Variants in IL1RAPL2 observed in about 807,000 individuals in gnomAD.
IL1RAPL2 encodes the protein X-linked interleukin-1 receptor accessory protein-like 2.
IL1RAPL2 carries 3 observed loss-of-function variants against 44.1 expected under a neutral mutation model. That is an observed-to-expected ratio of 0.07 (90% confidence interval 0.03 to 0.18). The LOEUF is 0.18. Ranked by LOEUF, IL1RAPL2 falls within the 10% of genes least tolerant of loss-of-function variation. The probability of loss-of-function intolerance (pLI) is 1.00; values close to 1 mark genes in which losing one functional copy is unlikely to be tolerated. For synonymous variants in IL1RAPL2, 181 were observed against 178.8 expected (o/e 1.01, Z -0.10); for missense variants, 391 against 496.4 (o/e 0.79, Z 2.02).
chrX:105,423,365 A>G (rs746702075), intron 5 of IL1RAPL2, among the ~76,000 whole-genome samples: 6 of 112,112 alleles, frequency 5.4e-5, no homozygotes, highest in African/African-American at 1.9e-4. Flanking sequence ...TTGTAAAATA[A>G]GTCATTCATT....
chrX:104,569,971 A>G (rs1390250673), intron 1 of IL1RAPL2, among the ~76,000 whole-genome samples: 1 of 112,372 alleles, frequency 8.9e-6, no homozygotes, highest in African/African-American at 3.2e-5. Context: ...CTGCAGCAGT[A>G]ATGATTACAG....
intron 5 of IL1RAPL2, among the ~76,000 whole-genome samples, chrX:105,351,549 A>G (rs1246610075): frequency 3.6e-5 from 4 of 110,351 alleles, no homozygotes; most frequent in African/African-American, 6.6e-5. Context: ...CAAACACCAC[A>G]CGTTCTCACT....
chrX:105,740,466 T>C, intron 7 of IL1RAPL2, 80 bp from the exon 8 acceptor site: 1 of 997,037 alleles, frequency 1.0e-6, no homozygotes, highest in East Asian at 3.1e-5. Flanking sequence ...GTGTGAGCTG[T>C]GTGACCATCT....
Position 105,267,535 on chromosome X carries a change from G to A in IL1RAPL2, c.691G>A (p.Val231Ile), listed in dbSNP as rs780226679. ...KLVRRTTELK[V>I]TALLTDKPPK... Reference sequence around the variant, plus strand: ...TGTAAGACGAACAACTGAATTGAAAGTTACAGGTAGGAATCAGTTCTACAA... The same window carrying A: ...TGTAAGACGAACAACTGAATTGAAAATTACAGGTAGGAATCAGTTCTACAA... The change falls in exon 5 of 11, where the codon GTT (valine) becomes ATT (isoleucine). Residue 231 changes from valine (V) to isoleucine (I), a missense_variant. Physicochemically the swap from Val to Ile is conservative, Grantham distance 29 (BLOSUM62 3). Around this residue, in one of 2 missense-constraint regions of IL1RAPL2, gnomAD observed 159 missense variants for 251.7 expected, o/e 0.63. Coordinates refer to ENST00000372582, the MANE Select transcript of IL1RAPL2 (RefSeq NM_017416.2). The A allele has an allele frequency of 8.5e-7, 1 of 1,177,368 alleles. No homozygotes were observed.
intron 9 of IL1RAPL2, among the ~76,000 whole-genome samples, chrX:105,754,490 G>A (rs906733297): frequency 8.9e-6 from 1 of 112,508 alleles, no homozygotes; most frequent in Non-Finnish European, 1.9e-5. Context: ...ATCTAATTTG[G>A]CAATACTGGA....
chrX:104,835,493 C>A (rs1921719080), intron 2 of IL1RAPL2, among the ~76,000 whole-genome samples: 1 of 111,894 alleles, frequency 8.9e-6, no homozygotes, highest in Admixed American at 9.5e-5. Context: ...TTATTCATTA[C>A]TTCCTAATTG....
chrX:105,041,953 C>T (rs1429174858), intron 2 of IL1RAPL2, among the ~76,000 whole-genome samples: 1 of 110,411 alleles, frequency 9.1e-6, no homozygotes, highest in East Asian at 2.9e-4. Context: ...CTTTGACAAA[C>T]CTGAGAGAAG....
Position 104,968,439 on chromosome X carries a change from A to G in IL1RAPL2, c.83-227036A>G, listed in dbSNP as rs1352588394. ...TAATCTGTTGCAATCATCATGTTCAATGGTGAAATGTTAGGTAAATTCCTC... is the reference window on the plus strand; with the variant it reads ...TAATCTGTTGCAATCATCATGTTCAGTGGTGAAATGTTAGGTAAATTCCTC... On this transcript the variant is annotated intron_variant, in intron 2 of 10. Coordinates refer to ENST00000372582, the MANE Select transcript of IL1RAPL2 (RefSeq NM_017416.2). Among the ~76,000 whole-genome samples the G allele has an allele frequency of 8.0e-5, 9 of 112,040 alleles. No homozygotes were observed. In the East Asian group the frequency reaches 1.4e-3, roughly 17 times the overall value.
At chrX:104,764,027 A>G (rs1027704258) in intron 2 of IL1RAPL2, among the ~76,000 whole-genome samples, 18 of 111,771 alleles carry the variant, frequency 1.6e-4, no homozygotes, top group African/African-American at 5.8e-4. Flanking sequence ...TGCTTAGAAT[A>G]GCTTTGGCTA....
chrX:104,887,929 G>A (rs1923298105), intron 2 of IL1RAPL2, among the ~76,000 whole-genome samples: 1 of 111,402 alleles, frequency 9.0e-6, no homozygotes, highest in Non-Finnish European at 1.9e-5. Flanking sequence ...GCACTTACCC[G>A]AGCCTTAGAA....
At chrX:105,460,838 A>G (rs781685803) in intron 5 of IL1RAPL2, among the ~76,000 whole-genome samples, 11 of 111,746 alleles carry the variant, frequency 9.8e-5, no homozygotes, top group South Asian at 3.7e-4. Context: ...CTATCGATCC[A>G]AATACCTATT....
intron 2 of IL1RAPL2, among the ~76,000 whole-genome samples, chrX:105,179,501 G>A (rs935889650): frequency 9.0e-6 from 1 of 111,490 alleles, no homozygotes; most frequent in African/African-American, 3.3e-5. Context: ...ATGAGTTTTT[G>A]GGTTGTTATT....
chrX:105,522,352 A>G (rs181912280), intron 6 of IL1RAPL2, among the ~76,000 whole-genome samples: 10 of 112,683 alleles, frequency 8.9e-5, no homozygotes, highest in African/African-American at 1.9e-4. Context: ...TATGAGATCT[A>G]TCATCTAGAT....
Position 105,121,354 on chromosome X carries a change from A to G in IL1RAPL2, c.83-74121A>G, listed in dbSNP as rs560138287. Reference sequence around the variant, plus strand: ...GTCCATATGCTGTCTTGGTAATGCTATAATTAAGTCAGAGAGTCATGTCAT... The same window carrying G: ...GTCCATATGCTGTCTTGGTAATGCTGTAATTAAGTCAGAGAGTCATGTCAT... On this transcript the variant is annotated intron_variant, in intron 2 of 10. Coordinates refer to ENST00000372582, the MANE Select transcript of IL1RAPL2 (RefSeq NM_017416.2). 3.8e-3 allele frequency among the ~76,000 whole-genome samples: 431 copies of G among 112,010 alleles called. 3 individuals are homozygous for G. Among genetic ancestry groups the G allele is most frequent in the Non-Finnish European group, 6.9e-3 (368 of 53,056 alleles).
At chrX:105,353,248 C>A (rs1052343772) in intron 5 of IL1RAPL2, among the ~76,000 whole-genome samples, 6 of 110,858 alleles carry the variant, frequency 5.4e-5, no homozygotes, top group East Asian at 5.7e-4. Flanking sequence ...TGTAGATACG[C>A]GGCATTATTT....
At chrX:105,596,108 G>A (rs979013502) in intron 6 of IL1RAPL2, among the ~76,000 whole-genome samples, 13 of 110,692 alleles carry the variant, frequency 1.2e-4, no homozygotes, top group Non-Finnish European at 1.5e-4. Context: ...TGTTTGTATT[G>A]TTTTTGTATT....
intron 2 of IL1RAPL2, among the ~76,000 whole-genome samples, chrX:105,188,290 AGG>A (rs2033606876): frequency 9.0e-6 from 1 of 110,902 alleles, no homozygotes; most frequent in African/African-American, 3.3e-5. Context: ...CTGGATTTGA[AGG>A]GACAGTAGAA....
intron 1 of IL1RAPL2, among the ~76,000 whole-genome samples, chrX:104,606,540 C>G (rs1033425681): frequency 8.9e-6 from 1 of 111,864 alleles, no homozygotes; most frequent in Non-Finnish European, 1.9e-5. Flanking sequence ...TCTCTGTTTA[C>G]AGATGACATG....
intron 4 of IL1RAPL2, among the ~76,000 whole-genome samples, chrX:105,237,357 C>T (rs1254963780): frequency 2.7e-5 from 3 of 111,799 alleles, no homozygotes; most frequent in Non-Finnish European, 5.6e-5. Flanking sequence ...TGGGTATATA[C>T]CCAGTAATGG....
Sources: gnomAD v4.1 joint callset for allele counts (sites outside exome capture counted in the v4.1 genomes callset) on GRCh38, gnomAD v4.1.1 for gene constraint, gnomAD v4.1.1 regional missense constraint, MANE v1.5 for transcripts, NCBI Gene and HGNC (gene_info 2026-07-23, HGNC 2026-07-21) for gene names.